The following TMEM131 variants were observed in gnomAD, a reference collection of about 807,000 sequenced individuals.
TMEM131 encodes the protein transmembrane protein 131.
A neutral mutation model predicts 211.6 loss-of-function variants in TMEM131; 66 were observed. The ratio of observed to expected loss-of-function variants is 0.31; its 90% CI spans 0.26 to 0.38. The LOEUF is 0.38. TMEM131 is among the 10% of genes least tolerant of loss of function. TMEM131 has a pLI of 1.00. For synonymous variants in TMEM131, 844 were observed against 841.3 expected (o/e 1.00, Z -0.06); for missense variants, 2,036 against 2,299.3 (o/e 0.89, Z 2.34).
At chr2:97,910,359 C>T (rs954181799) in intron 2 of TMEM131, among the ~76,000 whole-genome samples, 7 of 152,132 alleles carry the variant, frequency 4.6e-5, no homozygotes, top group Non-Finnish European at 1.0e-4. Context: ...TACCATACGA[C>T]CCGCAATCCC....
In TMEM131 at chr2:97,766,414, T is replaced by C; in HGVS notation, c.4573+64A>G. ...CTGCTTACTGATAATGCACAACAATTGTTAATACGGTGCACTATGAAAAGA... is the reference window on the plus strand; with the variant it reads ...CTGCTTACTGATAATGCACAACAATCGTTAATACGGTGCACTATGAAAAGA... On this transcript the variant is annotated intron_variant, in intron 34 of 40. Transcript: ENST00000186436. 4 of 1,609,588 alleles carry C rather than the reference T, an allele frequency of 2.5e-6. No homozygotes were observed. In the Admixed American group the frequency reaches 5.0e-5, roughly 20 times the overall value.
intron 1 of TMEM131, among the ~76,000 whole-genome samples, chr2:97,989,745 T>C (rs1472988584): frequency 1.3e-5 from 2 of 152,164 alleles, no homozygotes; most frequent in Admixed American, 6.5e-5. Context: ...GGCAGAGTTG[T>C]ATGCAACAAA....
intron 4 of TMEM131, among the ~76,000 whole-genome samples, chr2:97,867,780 T>A (rs1388742969): frequency 6.6e-6 from 1 of 152,086 alleles, no homozygotes; most frequent in Non-Finnish European, 1.5e-5. Flanking sequence ...CTTCTCAGGG[T>A]GAAACTGCAG....
At chr2:97,990,875 G>A (rs6756969) in intron 1 of TMEM131, among the ~76,000 whole-genome samples, 50,931 of 152,028 alleles carry the variant, frequency 0.34, 9,323 homozygotes, top group Middle Eastern at 0.49. Flanking sequence ...AAAAATTTGT[G>A]CATGAAACTA....
chr2:97,980,382 C>G (rs966716514), intron 1 of TMEM131, among the ~76,000 whole-genome samples: 1 of 152,148 alleles, frequency 6.6e-6, no homozygotes, highest in Non-Finnish European at 1.5e-5. Flanking sequence ...GCCTGTACCA[C>G]TACACACCTG....
intron 4 of TMEM131, among the ~76,000 whole-genome samples, chr2:97,883,477 GTC>G (rs1374024240): frequency 6.6e-6 from 1 of 152,084 alleles, no homozygotes; most frequent in Non-Finnish European, 1.5e-5. Flanking sequence ...ACTAGTAACA[GTC>G]TCTATGAGAA....
chr2:97,830,132 T>TAAAAAAAAAAAAAAA (rs60531384), intron 11 of TMEM131, among the ~76,000 whole-genome samples: 1 of 72,318 alleles, frequency 1.4e-5, no homozygotes, highest in Non-Finnish European at 2.6e-5. Context: ...CATTATCAGT[T>TAAAAAAAAAAAAAAA]AAAAAAAAAA....
Position 97,815,452 on chromosome 2 carries a change from T to C in TMEM131, c.1184-145A>G, listed in dbSNP as rs927405093. On this transcript the variant is annotated intron_variant, in intron 12 of 40. Transcript: ENST00000186436. ...AGAACACTTTTTATAACATTTTAAA[T>C]GAAACATCACATTTTTCATACAAAA... 10 of 511,012 alleles carry C rather than the reference T, an allele frequency of 2.0e-5. No individual in the cohort carries two copies. The Admixed American group carries it at 3.2e-4, about 16-fold the overall frequency. 31.7% of individuals were successfully genotyped at this position (511,012 alleles called of 1,614,324 possible). A position where few individuals can be genotyped will look rare whatever the true frequency, so the allele number is the denominator to read the frequency against.
chr2:97,974,100 A>T (rs954922805), intron 1 of TMEM131, among the ~76,000 whole-genome samples: 10 of 152,234 alleles, frequency 6.6e-5, no homozygotes, highest in African/African-American at 2.4e-4. Context: ...TAAAACAGGT[A>T]TTATAAATGT....
At chr2:97,884,010 T>C (rs1005777555) in intron 4 of TMEM131, among the ~76,000 whole-genome samples, 3 of 152,110 alleles carry the variant, frequency 2.0e-5, no homozygotes, top group African/African-American at 7.2e-5. Context: ...GATGCATCAT[T>C]AGGTTGTTTA....
At chr2:97,815,172 T>C (rs533434293) in intron 13 of TMEM131, 27 bp downstream of exon 13, 55 of 1,312,434 alleles carry the variant, frequency 4.2e-5, no homozygotes, top group East Asian at 3.6e-4. Flanking sequence ...TAAAAAGTAA[T>C]AGAATTTATT....
At chr2:97,825,382 G>A (rs1682329544) in intron 11 of TMEM131, among the ~76,000 whole-genome samples, 1 of 152,152 alleles carries the variant, frequency 6.6e-6, no homozygotes, top group Non-Finnish European at 1.5e-5. Context: ...TAGCTAGAGG[G>A]ACCAGTGCCC....
chr2:97,958,694 C>T (rs1019060417), intron 1 of TMEM131, among the ~76,000 whole-genome samples: 2 of 152,190 alleles, frequency 1.3e-5, no homozygotes, highest in African/African-American at 2.4e-5. Flanking sequence ...AAAGGAAAGG[C>T]TTAATTCAAC....
intron 1 of TMEM131, among the ~76,000 whole-genome samples, chr2:97,943,027 AAAAGAAAAGAAAAGAAAGAAAG>A (rs1186173814): frequency 0.011 from 558 of 49,620 alleles, 7 homozygotes; most frequent in Non-Finnish European, 0.015. Flanking sequence ...AAAAGAAAAG[AAAAGAAAAGAAAAGAAAGAAAG>A]AAAGAAAGAA....
At chr2:97,951,930 G>A (rs1053337747) in intron 1 of TMEM131, among the ~76,000 whole-genome samples, 37 of 152,054 alleles carry the variant, frequency 2.4e-4, no homozygotes, top group African/African-American at 8.5e-4. Flanking sequence ...AGGCCAAGGC[G>A]GGCAGATCAC....
chr2:97,762,029 G>C lies in TMEM131; in HGVS notation c.4889+6C>G, dbSNP rs750459515. 1.1e-5 allele frequency: 17 copies of C among 1,554,400 alleles called. No homozygotes were observed. The Middle Eastern group carries it at 5.3e-4, about 48-fold the overall frequency. ...CTGAGAACCGGAAAGGAAGCAGCAG[G>C]CCTACCTGCTGGAGCTGCTGTTGAC... On this transcript the variant is annotated splice_donor_region_variant and intron_variant, in intron 36 of 40. Transcript: ENST00000186436.
In TMEM131 at chr2:97,792,380, G is replaced by A. The variant is rs375941401; in HGVS notation, c.4144+6C>T. 1.5e-5 allele frequency: 24 copies of A among 1,558,360 alleles called. No homozygotes were observed. In the African/African-American group the frequency reaches 2.7e-4, roughly 18 times the overall value. ...TCACGGATCTCCGGCAGTGGGAGATGATTACCTTTGCTTTTTGGCAATGGC... is the reference window on the plus strand; with the variant it reads ...TCACGGATCTCCGGCAGTGGGAGATAATTACCTTTGCTTTTTGGCAATGGC... On this transcript the variant is annotated splice_donor_region_variant and intron_variant, in intron 31 of 40. Transcript: ENST00000186436.
intron 1 of TMEM131, among the ~76,000 whole-genome samples, chr2:97,950,955 C>T (rs1678283511): frequency 6.6e-6 from 1 of 152,130 alleles, no homozygotes; most frequent in Non-Finnish European, 1.5e-5. Context: ...CTGGAAATAG[C>T]CAACAAACCA....
chr2:97,778,856 T>G (rs970394390), intron 31 of TMEM131, among the ~76,000 whole-genome samples: 1 of 152,200 alleles, frequency 6.6e-6, no homozygotes, highest in African/African-American at 2.4e-5. Flanking sequence ...CCTAGAGATC[T>G]GCCCTTGGAG....
Sources: gnomAD v4.1 joint callset for allele counts (sites outside exome capture counted in the v4.1 genomes callset) on GRCh38, gnomAD v4.1.1 for gene constraint, MANE v1.5 for transcripts, NCBI Gene and HGNC (gene_info 2026-07-23, HGNC 2026-07-21) for gene names.